Variants in CTNNA2 observed in about 807,000 individuals in gnomAD.
CTNNA2 encodes catenin alpha 2, also known as catenin alpha-2.
Under a neutral mutation model 101.0 loss-of-function variants are expected in CTNNA2, and 42 were observed. The ratio of observed to expected loss-of-function variants is 0.42; its 90% CI spans 0.32 to 0.54. The LOEUF is 0.54. Ranked by LOEUF, CTNNA2 falls within the 20% of genes least tolerant of loss-of-function variation. The pLI is 0.14. For missense variants in CTNNA2, 871 were observed against 1,223.1 expected (o/e 0.71, Z 4.29); for synonymous variants, 450 against 456.4 (o/e 0.99, Z 0.18).
intron 3 of CTNNA2, among the ~76,000 whole-genome samples, chr2:79,813,162 C>G (rs1235440428): frequency 6.6e-6 from 1 of 152,150 alleles, no homozygotes; most frequent in Non-Finnish European, 1.5e-5. Flanking sequence ...AATTTCAAAG[C>G]CTGACTCTTC....
chr2:79,971,970 G>A (rs1051129625), intron 7 of CTNNA2, among the ~76,000 whole-genome samples: 2 of 152,170 alleles, frequency 1.3e-5, no homozygotes, highest in Non-Finnish European at 2.9e-5. Context: ...ACCACCTAGT[G>A]AGTTGGGATT....
intron 15 of CTNNA2, among the ~76,000 whole-genome samples, chr2:80,599,859 G>C (rs1198610730): frequency 2.0e-5 from 3 of 151,414 alleles, no homozygotes; most frequent in African/African-American, 7.3e-5. Context: ...GTGCCATGCT[G>C]GTGTGCTGCA....
chr2:79,648,939 T>C (rs561417440), intron 1 of CTNNA2, among the ~76,000 whole-genome samples: 27 of 152,308 alleles, frequency 1.8e-4, no homozygotes, highest in Non-Finnish European at 2.5e-4. Flanking sequence ...GAATTTTACC[T>C]TTGTCACAAG....
intron 7 of CTNNA2, among the ~76,000 whole-genome samples, chr2:80,054,327 A>C (rs1697075736): frequency 6.6e-6 from 1 of 152,214 alleles, no homozygotes; most frequent in South Asian, 2.1e-4. Flanking sequence ...TAGGAGGTCA[A>C]AACTATGTAG....
chr2:79,657,642 G>A (rs1681709008), intron 2 of CTNNA2, among the ~76,000 whole-genome samples: 1 of 151,622 alleles, frequency 6.6e-6, no homozygotes, highest in Admixed American at 6.6e-5. Context: ...AAAAGACAGT[G>A]ATGATTCTAT....
chr2:80,180,467 T>A (rs527292382), intron 7 of CTNNA2, among the ~76,000 whole-genome samples: 1 of 152,356 alleles, frequency 6.6e-6, no homozygotes, highest in African/African-American at 2.4e-5. Flanking sequence ...TGATTGCTGC[T>A]TTGCATCTGC....
rs534413352 is a variant in CTNNA2 at position 79,979,846 on chromosome 2, G to A, written c.1056+70049G>A. On this transcript the variant is annotated intron_variant, in intron 7 of 18. Coordinates refer to ENST00000402739, the MANE Select transcript of CTNNA2 (RefSeq NM_001282597.3). ...GCAACTAATGCAGAGAAAGGAGCTT[G>A]GCTAGATGTTGACTTATATAAAGCA... Among the ~76,000 whole-genome samples the A allele has an allele frequency of 9.3e-4, 141 of 152,246 alleles. 1 individual carries two copies. The highest frequency in any genetic ancestry group is 3.1e-3 in the African/African-American group (129 of 41,564).
chr2:80,153,065 G>A (rs560054025), intron 7 of CTNNA2, among the ~76,000 whole-genome samples: 17 of 152,272 alleles, frequency 1.1e-4, no homozygotes, highest in Middle Eastern at 3.4e-3. Context: ...GCAGAACACC[G>A]TGGTGAAATT....
chr2:79,242,798 T>C (rs963337260), intron 2 of CTNNA2, among the ~76,000 whole-genome samples: 2 of 151,720 alleles, frequency 1.3e-5, no homozygotes, highest in African/African-American at 4.8e-5. Context: ...GGAGACTCCA[T>C]CTCTACAAAA....
At chr2:79,977,652 C>T (rs1184779546) in intron 7 of CTNNA2, among the ~76,000 whole-genome samples, 1 of 152,086 alleles carries the variant, frequency 6.6e-6, no homozygotes, top group Non-Finnish European at 1.5e-5. Flanking sequence ...CATACTAACA[C>T]TAATTGGGGA....
At chr2:80,571,269 G>A (rs1447681316) in intron 12 of CTNNA2, among the ~76,000 whole-genome samples, 1 of 152,176 alleles carries the variant, frequency 6.6e-6, no homozygotes, top group African/African-American at 2.4e-5. Flanking sequence ...AGAATATTAA[G>A]TGTTTGATCA....
chr2:79,306,484 ATAAAAT>A lies in CTNNA2; in HGVS notation c.-405-6219_-405-6214del, dbSNP rs531481864. On this transcript the variant is annotated intron_variant, in intron 2 of 21. Transcript: ENST00000466387. ...ACACATAATTTTTGTTAATTAAAAAATAAAATTAAAAAAGGCAATTTAGAACATTTC... is the reference window on the plus strand; with the variant it reads ...ACACATAATTTTTGTTAATTAAAAAATAAAAAAGGCAATTTAGAACATTTC... Among the ~76,000 whole-genome samples the A allele has an allele frequency of 2.8e-3, 420 of 152,368 alleles. 2 individuals carry two copies. Among genetic ancestry groups the A allele is most frequent in the African/African-American group, 9.5e-3 (397 of 41,592 alleles).
At chr2:80,449,287 T>TTAAATAAATAAA (rs72400269) in intron 9 of CTNNA2, among the ~76,000 whole-genome samples, 29 of 149,912 alleles carry the variant, frequency 1.9e-4, no homozygotes, top group African/African-American at 5.9e-4. Context: ...GTCTCTAAAA[T>TTAAATAAATAAA]TAAATAAATA....
intron 1 of CTNNA2, among the ~76,000 whole-genome samples, chr2:79,514,323 T>C (rs1671690573): frequency 1.3e-5 from 2 of 152,196 alleles, no homozygotes; most frequent in African/African-American, 2.4e-5. Flanking sequence ...TGGCATTAGC[T>C]GCATTAGAGC....
chr2:79,352,737 A>G (rs1288216616), intron 3 of CTNNA2, among the ~76,000 whole-genome samples: 2 of 152,130 alleles, frequency 1.3e-5, no homozygotes, highest in East Asian at 3.9e-4. Context: ...GTTTAGTACT[A>G]TAAACTTTCC....
At chr2:79,759,193 A>C (rs888036316) in intron 3 of CTNNA2, among the ~76,000 whole-genome samples, 1 of 152,088 alleles carries the variant, frequency 6.6e-6, no homozygotes, top group Non-Finnish European at 1.5e-5. Flanking sequence ...AAGCCACGAG[A>C]CCAGCCTGGC....
intron 7 of CTNNA2, among the ~76,000 whole-genome samples, chr2:80,179,536 G>A (rs1367667777): frequency 1.3e-5 from 2 of 152,022 alleles, no homozygotes; most frequent in Non-Finnish European, 2.9e-5. Context: ...ACCACACCGG[G>A]CTAATTTTTT....
intron 15 of CTNNA2, among the ~76,000 whole-genome samples, chr2:80,593,993 G>C (rs2149747981): frequency 6.6e-6 from 1 of 152,180 alleles, no homozygotes; most frequent in East Asian, 1.9e-4. Flanking sequence ...TGTATACCCA[G>C]AAGTGGAATT....
chr2:80,151,109 C>T (rs1231914968), intron 7 of CTNNA2, among the ~76,000 whole-genome samples: 1 of 152,206 alleles, frequency 6.6e-6, no homozygotes, highest in Non-Finnish European at 1.5e-5. Context: ...CCCCACTCTC[C>T]AGGCCTCATT....
Sources: gnomAD v4.1 joint callset for allele counts (sites outside exome capture counted in the v4.1 genomes callset) on GRCh38, gnomAD v4.1.1 for gene constraint, MANE v1.5 for transcripts, NCBI Gene and HGNC (gene_info 2026-07-23, HGNC 2026-07-21) for gene names.